CHTF18: variants seen among roughly 807,000 people sequenced by gnomAD.
CHTF18 encodes chromosome transmission fidelity factor 18, also known as chromosome transmission fidelity protein 18 homolog.
In CHTF18, 151 loss-of-function variants were observed where a neutral mutation model predicts 113.4. The ratio of observed to expected loss-of-function variants is 1.33; its 90% confidence interval spans 1.17 to 1.52. The LOEUF (loss-of-function observed/expected upper bound fraction) is 1.52. Ranked by LOEUF, CHTF18 falls within the 40% of genes most tolerant of loss-of-function variation. The pLI, the probability that CHTF18 is intolerant of heterozygous loss-of-function variation, is 0.00. For synonymous variants in CHTF18, 916 were observed against 598.8 expected, an observed-to-expected ratio of 1.53 and a Z score of -7.74; for missense variants, 1,982 against 1,381.6, an observed-to-expected ratio of 1.43 and a Z score of -6.89.
rs2042337053 is a variant in CHTF18, at chr16:796,051, T to C, written c.2430T>C (p.Asp810=). The C allele has an allele frequency of 1.9e-6, 3 of 1,605,098 alleles. No homozygotes were observed. The highest frequency in any genetic ancestry group is 1.3e-5 in the African/African-American group (1 of 74,848). The change falls in exon 18 of 22, where the codon GAT becomes GAC. Residue 810 remains aspartate (D), a synonymous_variant. Transcript: ENST00000262315. ...CCTACCGCCAGGAGCGCACGCCCGA[T>C]GGCCAGTACATCTACAGGCTGGAGC... ...SLTYRQERTP[D]GQYIYRLEPN...
At position 794,208 on chromosome 16, in the gene CHTF18, G is replaced by C; in HGVS notation, c.1950+7G>C. The C allele has an allele frequency of 6.2e-7, 1 of 1,608,500 alleles. No homozygotes were observed. Among genetic ancestry groups the C allele is most frequent in the South Asian group, 1.1e-5 (1 of 90,966 alleles). On this transcript the variant is annotated splice_region_variant and intron_variant, in intron 15 of 21. Transcript: ENST00000262315. ...GCACGAGAAGGTGGTCCAGGTACCTGTCTTCCACCAAAATGCCTGCCTGGG... is the reference window on the plus strand; with the variant it reads ...GCACGAGAAGGTGGTCCAGGTACCTCTCTTCCACCAAAATGCCTGCCTGGG...
chr16:794,097 C>T lies in CHTF18; in HGVS notation c.1846C>T (p.Leu616=). ...QDPALPADTL[L]LGDGDAGSLT... Reference sequence around the variant, plus strand: ...CCCCGCCCTGCCTGCTGACACACTCCTGCTGGGTGACGGGGACGCGGGCTC... The same window carrying T: ...CCCCGCCCTGCCTGCTGACACACTCTTGCTGGGTGACGGGGACGCGGGCTC... Residue 616 remains leucine (L), a synonymous_variant, in exon 15 of 22, where the codon CTG becomes TTG. Coordinates refer to ENST00000262315, the MANE Select transcript of CHTF18 (RefSeq NM_022092.3). 1 of 1,612,356 alleles carries T rather than the reference C, an allele frequency of 6.2e-7. No individual in the cohort carries two copies. The highest frequency in any genetic ancestry group is 8.5e-7 in the Non-Finnish European group (1 of 1,179,728).
At chr16:794,281 C>T (rs961235694) in intron 15 of CHTF18, 80 bp downstream of exon 15, 4 of 1,520,478 alleles carry the variant, frequency 2.6e-6, no homozygotes, top group African/African-American at 1.4e-5. Flanking sequence ...GCCGGTCCTC[C>T]CGTATGGACG....
chr16:793,322 C>T (rs1260492355), intron 14 of CHTF18, 48 bp downstream of exon 14: 3 of 1,592,730 alleles, frequency 1.9e-6, no homozygotes, highest in Middle Eastern at 2.3e-4. Flanking sequence ...GTGCCCGGAC[C>T]TCAGGACGCT....
Position 788,669 on chromosome 16 carries a change from C to A in CHTF18, c.-16C>A, listed in dbSNP as rs761285335. Reference sequence around the variant, plus strand: ...GCGCGGGAGGTTCGGAGCGGGAGCTCGGGCTCGCGGACGGTATGGAGGACT... The same window carrying A: ...GCGCGGGAGGTTCGGAGCGGGAGCTAGGGCTCGCGGACGGTATGGAGGACT... On this transcript the variant is annotated 5_prime_UTR_variant, in exon 1 of 22. Coordinates refer to ENST00000262315, the MANE Select transcript of CHTF18 (RefSeq NM_022092.3). The A allele has an allele frequency of 3.3e-6, 5 of 1,520,888 alleles. No individual in the cohort carries two copies. Among genetic ancestry groups the A allele is most frequent in the Middle Eastern group, 1.7e-4 (1 of 5,866 alleles). 94.2% of individuals were successfully genotyped at this position (1,520,888 alleles called of 1,614,324 possible). A position where few individuals can be genotyped will look rare whatever the true frequency, so the allele number is the denominator to read the frequency against.
In CHTF18 at chr16:789,653, T is replaced by C. The variant is rs534497686; in HGVS notation, c.544T>C (p.Ser182Pro). The change falls in exon 4 of 22, where the codon TCC becomes CCC. Residue 182 changes from serine to proline, a missense_variant. Transcript: ENST00000262315. Reference protein sequence around the residue: ...PILEDYVHVTSTEGVRAYLVL... With the variant: ...PILEDYVHVTPTEGVRAYLVL... Reference sequence around the variant, plus strand: ...CTTGGAGGACTACGTCCACGTGACATCCACGGAGGGCGTCCGGGCTTATCT... The same window carrying C: ...CTTGGAGGACTACGTCCACGTGACACCCACGGAGGGCGTCCGGGCTTATCT... The C allele has an allele frequency of 1.2e-6, 2 of 1,605,746 alleles. No homozygotes were observed. The highest frequency in any genetic ancestry group is 1.7e-6 in the Non-Finnish European group (2 of 1,179,694).
chr16:788,677 C>A lies in CHTF18; in HGVS notation c.-8C>A. The A allele has an allele frequency of 6.5e-7, 1 of 1,534,046 alleles. No individual in the cohort carries two copies. Among genetic ancestry groups the A allele is most frequent in the Non-Finnish European group, 8.7e-7 (1 of 1,143,784 alleles). ...GGTTCGGAGCGGGAGCTCGGGCTCG[C>A]GGACGGTATGGAGGACTACGAGCAG... On this transcript the variant is annotated 5_prime_UTR_variant, in exon 1 of 22. Transcript: ENST00000262315.
In CHTF18 at chr16:790,344, C is replaced by T. The variant is rs547904005; in HGVS notation, c.700-3C>T. ...TCCTGATTCCAGCCTGTTGTTTGCA[C>T]AGCGGCGGGAGCGGCTGCTTCAGGA... is the stretch of plus-strand genomic sequence containing the variant. On this transcript the variant is annotated splice_region_variant and splice_polypyrimidine_tract_variant and intron_variant, in intron 5 of 21. Coordinates refer to ENST00000262315, the MANE Select transcript of CHTF18 (RefSeq NM_022092.3). 42 of 1,611,348 alleles carry T rather than the reference C, an allele frequency of 2.6e-5. No homozygotes were observed. In the South Asian group the frequency reaches 4.3e-4, roughly 16 times the overall value.
chr16:795,995 C>G lies in CHTF18; in HGVS notation c.2374C>G (p.Leu792Val), dbSNP rs1221527798. ...STREKQQLAS[L>V]VGTMLAYSLT... is the part of the protein sequence containing the mutation. ...CCGTGAAAAGCAACAGCTGGCCAGC[C>G]TGGTGGGCACGATGCTCGCTTACAG... Residue 792 changes from leucine (L) to valine (V), a missense_variant, in exon 18 of 22, where the codon CTG (leucine) becomes GTG (valine). Coordinates refer to ENST00000262315, the MANE Select transcript of CHTF18 (RefSeq NM_022092.3). 2.5e-6 allele frequency: 4 copies of G among 1,608,436 alleles called. No homozygotes were observed. Among genetic ancestry groups the G allele is most frequent in the African/African-American group, 2.7e-5 (2 of 74,820 alleles).
Position 792,656 on chromosome 16 carries a change from G to A in CHTF18, c.1479-62G>A, listed in dbSNP as rs1166728792. ...GTGCCTGGAGGGAGGGTTCCGGCCC[G>A]TCCCTGTGTCCTGGGCTGTGGTGCC... On this transcript the variant is annotated intron_variant, in intron 11 of 21. Transcript: ENST00000262315. The A allele has an allele frequency of 1.3e-5, 20 of 1,588,514 alleles. 1 individual carries two copies. The highest frequency in any genetic ancestry group is 2.2e-5 in the South Asian group (2 of 89,718).
At position 796,899 on chromosome 16, in the gene CHTF18, G is replaced by A. The variant is rs376848285; in HGVS notation, c.2601+38G>A. The A allele has an allele frequency of 6.4e-6, 10 of 1,560,158 alleles. No homozygotes were observed. The African/African-American group carries it at 1.4e-4, about 21-fold the overall frequency. ...AGGCTCTGGAGCAGGTTGCAGTCTGGGCGTGCACCATCCCCACTGTATCCC... is the reference window on the plus strand; with the variant it reads ...AGGCTCTGGAGCAGGTTGCAGTCTGAGCGTGCACCATCCCCACTGTATCCC... On this transcript the variant is annotated intron_variant, in intron 19 of 21. Coordinates refer to ENST00000262315, the MANE Select transcript of CHTF18 (RefSeq NM_022092.3).
Position 789,569 on chromosome 16 carries a change from G to GAAGACA in CHTF18, c.460_461insAAGACA (p.Val154delinsGluAspMet). ...CAGAGTCTCAGAAGCTGCTGCCGACGTGGGTCTCACACGGGCCTCACCAGC... is the reference window on the plus strand; with the variant it reads ...CAGAGTCTCAGAAGCTGCTGCCGACGAAGACATGGGTCTCACACGGGCCTCACCAGC... On this transcript the variant is annotated protein_altering_variant, in exon 4 of 22. Coordinates refer to ENST00000262315, the MANE Select transcript of CHTF18 (RefSeq NM_022092.3). 6.2e-7 allele frequency: 1 copy of GAAGACA among 1,604,194 alleles called. No individual in the cohort carries two copies. The highest frequency in any genetic ancestry group is 1.7e-5 in the Admixed American group (1 of 59,160).
chr16:792,404 G>T, intron 10 of CHTF18, 35 bp from the exon 11 acceptor site: 1 of 1,561,518 alleles, frequency 6.4e-7, no homozygotes, highest in Non-Finnish European at 8.7e-7. Flanking sequence ...GGGCAGCAGG[G>T]CCTGGACTCA....
chr16:796,475 C>T, intron 18 of CHTF18: 1 of 587,660 alleles, frequency 1.7e-6, no homozygotes, highest in Non-Finnish European at 2.9e-6. Flanking sequence ...CTGAGTCACT[C>T]TCCGTGGCAG....
chr16:790,110 A>G (rs1214441821), intron 4 of CHTF18, 67 bp from the exon 5 acceptor site: 1 of 1,543,084 alleles, frequency 6.5e-7, no homozygotes, highest in East Asian at 2.4e-5. Flanking sequence ...CTGAGCACTG[A>G]TGGGGGCTGA....
rs1596754444 is a variant in CHTF18, at chr16:791,787, C to T, written c.1105-64C>T. ...GTGGGACACATGTGGCAGTCCCTGG[C>T]TGCTAGGCCGGGAGCGTCCTGTAGG... On this transcript the variant is annotated intron_variant, in intron 8 of 21. Coordinates refer to ENST00000262315, the MANE Select transcript of CHTF18 (RefSeq NM_022092.3). The T allele has an allele frequency of 3.9e-6, 6 of 1,531,282 alleles. No individual in the cohort carries two copies. The African/African-American group carries it at 4.1e-5, about 11-fold the overall frequency. 94.9% of individuals were successfully genotyped at this position (1,531,282 alleles called of 1,614,324 possible).
At chr16:796,175 T>G in intron 18 of CHTF18, 98 bp downstream of exon 18, 10 of 1,469,852 alleles carry the variant, frequency 6.8e-6, no homozygotes, top group Non-Finnish European at 9.1e-6. Flanking sequence ...GAAAGCACGG[T>G]CATGGCGTCT....
chr16:795,832 C>A lies in CHTF18; in HGVS notation c.2323C>A (p.Pro775Thr), dbSNP rs577654496. The stretch of plus-strand genomic sequence containing the variant: ...GGACATTCTTGCACCCAAGCTCCGC[C>A]CCGTGAGTGCCGTCCCCGGGGTGGG... ...LLDILAPKLR[P>T]VSTQLYSTRE... The change falls in exon 17 of 22, where the codon CCC (proline) becomes ACC (threonine). Residue 775 changes from proline to threonine, a missense_variant and splice_region_variant. Physicochemically the swap from Pro to Thr is conservative, Grantham distance 38. Coordinates refer to ENST00000262315, the MANE Select transcript of CHTF18 (RefSeq NM_022092.3). 2 of 1,608,988 alleles carry A rather than the reference C, an allele frequency of 1.2e-6. No individual in the cohort carries two copies. The highest frequency in any genetic ancestry group is 2.7e-5 in the African/African-American group (2 of 74,694).
intron 18 of CHTF18, chr16:796,502 T>G: frequency 1.6e-6 from 1 of 609,044 alleles, no homozygotes; most frequent in Non-Finnish European, 2.8e-6. Flanking sequence ...GCAGGTTTCA[T>G]CATCATCCCA....
Sources: allele counts gnomAD v4.1 joint callset, GRCh38; gene constraint gnomAD v4.1.1; transcripts MANE v1.5; gene names NCBI Gene and HGNC (gene_info 2026-07-23, HGNC 2026-07-21).